Variants in ITSN1 observed in about 807,000 individuals in gnomAD.
The protein encoded by ITSN1 is intersectin 1.
A neutral mutation model predicts 239.8 loss-of-function variants in ITSN1; 58 were observed. The observed-to-expected ratio is 0.24, with a 90% CI of 0.20 to 0.30. ITSN1 has a LOEUF of 0.30. ITSN1 is among the 10% of genes least tolerant of loss of function. The probability of loss-of-function intolerance (pLI) is 1.00; values close to 1 mark genes in which losing one functional copy is unlikely to be tolerated. For synonymous variants in ITSN1, 780 were observed against 770.8 expected, an observed-to-expected ratio of 1.01 and a Z score of -0.20; for missense variants, 1,558 against 2,103.3, an observed-to-expected ratio of 0.74 and a Z score of 5.07.
chr21:33,699,641 C>T (rs534592142), intron 1 of ITSN1, among the ~76,000 whole-genome samples: 5 of 152,304 alleles, frequency 3.3e-5, no homozygotes, highest in Non-Finnish European at 7.4e-5. Flanking sequence ...ATGGCTTAAG[C>T]CCTGGATGTG....
chr21:33,819,223 C>T lies in ITSN1; in HGVS notation c.2934-18C>T. The T allele has an allele frequency of 6.3e-7, 1 of 1,584,210 alleles. No homozygotes were observed. Among genetic ancestry groups the T allele is most frequent in the Non-Finnish European group, 8.7e-7 (1 of 1,155,238 alleles). On this transcript the variant is annotated intron_variant, in intron 23 of 39. Transcript: ENST00000381318. ...TTGAAGATAAAAATTAAAATACTCT[C>T]TTCTTCCATTATTGCAGCATGGATT...
intron 27 of ITSN1, among the ~76,000 whole-genome samples, chr21:33,830,179 T>A (rs2074211721): frequency 1.3e-5 from 2 of 152,194 alleles, no homozygotes; most frequent in African/African-American, 4.8e-5. Flanking sequence ...CACGTGTGTG[T>A]GTGTGTATTG....
chr21:33,853,707 A>AT (rs950396304), intron 29 of ITSN1, among the ~76,000 whole-genome samples: 1 of 152,120 alleles, frequency 6.6e-6, no homozygotes, highest in African/African-American at 2.4e-5. Flanking sequence ...GTCTATTGGC[A>AT]TTTGGGGTGG....
intron 23 of ITSN1, 86 bp from the exon 24 acceptor site, chr21:33,819,155 A>T: frequency 1.0e-6 from 1 of 1,004,482 alleles, no homozygotes; most frequent in Non-Finnish European, 1.5e-6. Flanking sequence ...TTTAAAAGTT[A>T]AGCAGTTTTA....
chr21:33,678,138 C>T lies in ITSN1; in HGVS notation c.-33+35425C>T, dbSNP rs529139582. 2.0e-4 allele frequency among the ~76,000 whole-genome samples: 30 copies of T among 152,254 alleles called. No individual in the cohort carries two copies. The South Asian group carries it at 4.6e-3, about 23-fold the overall frequency. ...ACTCCCCTTGTCTGCTTTGCGGTAG[C>T]CTAACATGTCTCTTTCTATCTCTTG... On this transcript the variant is annotated intron_variant, in intron 1 of 39. Transcript: ENST00000381318.
At chr21:33,662,567 A>G (rs979160896) in intron 1 of ITSN1, among the ~76,000 whole-genome samples, 1 of 152,174 alleles carries the variant, frequency 6.6e-6, no homozygotes, top group Non-Finnish European at 1.5e-5. Context: ...GATTTCCTTT[A>G]ACAGTTATTT....
At chr21:33,671,731 G>T (rs2090296628) in intron 1 of ITSN1, among the ~76,000 whole-genome samples, 1 of 151,810 alleles carries the variant, frequency 6.6e-6, no homozygotes, top group Non-Finnish European at 1.5e-5. Flanking sequence ...GAGTGAGGTT[G>T]CAGTGAGCTG....
At chr21:33,653,744 G>A (rs1054611323) in intron 1 of ITSN1, among the ~76,000 whole-genome samples, 1 of 151,984 alleles carries the variant, frequency 6.6e-6, no homozygotes, top group African/African-American at 2.4e-5. Flanking sequence ...AGATGGCCTC[G>A]ATCTCCTGAC....
chr21:33,866,012 G>A (rs893223733), intron 32 of ITSN1, among the ~76,000 whole-genome samples: 4 of 152,280 alleles, frequency 2.6e-5, no homozygotes, highest in Admixed American at 2.6e-4. Context: ...AAAAAAAGGA[G>A]GAAGAGAATA....
At chr21:33,848,685 G>T (rs2075059965) in intron 29 of ITSN1, among the ~76,000 whole-genome samples, 1 of 152,218 alleles carries the variant, frequency 6.6e-6, no homozygotes, top group Non-Finnish European at 1.5e-5. Context: ...GGCATTGTGA[G>T]CTCTGAGTGG....
intron 1 of ITSN1, among the ~76,000 whole-genome samples, chr21:33,663,233 G>T (rs188895119): frequency 1.3e-5 from 2 of 152,202 alleles, no homozygotes; most frequent in Non-Finnish European, 1.5e-5. Flanking sequence ...GCTCAGAAAT[G>T]AAATATGTAA....
rs114895721 is a variant in ITSN1 at position 33,789,756 on chromosome 21, T to G, written c.1825-4585T>G. 7.0e-3 allele frequency among the ~76,000 whole-genome samples: 1,072 copies of G among 152,338 alleles called. 13 individuals carry two copies. Among genetic ancestry groups the G allele is most frequent in the African/African-American group, 0.025 (1,023 of 41,572 alleles). On this transcript the variant is annotated intron_variant, in intron 16 of 39. Transcript: ENST00000381318. ...AGGAGAAACAGTCACAGTTATTAAA[T>G]CAAGTGATTCTGTGCCTTTTAGCTT...
chr21:33,845,678 G>A (rs1050271719), intron 29 of ITSN1, among the ~76,000 whole-genome samples: 1 of 152,152 alleles, frequency 6.6e-6, no homozygotes, highest in Non-Finnish European at 1.5e-5. Context: ...CTTGCAGAGG[G>A]GAAACTGGGC....
At chr21:33,795,226 G>A (rs899971519) in intron 17 of ITSN1, among the ~76,000 whole-genome samples, 7 of 152,116 alleles carry the variant, frequency 4.6e-5, no homozygotes, top group Non-Finnish European at 7.4e-5. Context: ...CGAGGTGGGC[G>A]GATCACGAGG....
At chr21:33,717,997 G>A (rs2065263738) in intron 1 of ITSN1, among the ~76,000 whole-genome samples, 1 of 152,180 alleles carries the variant, frequency 6.6e-6, no homozygotes, top group Non-Finnish European at 1.5e-5. Flanking sequence ...TGGGACAGAT[G>A]TTAGTGTAAT....
chr21:33,790,589 GA>G (rs1240958318), intron 16 of ITSN1, among the ~76,000 whole-genome samples: 6 of 150,996 alleles, frequency 4.0e-5, no homozygotes, highest in African/African-American at 1.2e-4. Context: ...ACTGGTTTTA[GA>G]AAAAAAAATC....
intron 1 of ITSN1, among the ~76,000 whole-genome samples, chr21:33,651,074 C>T (rs1169364334): frequency 1.3e-5 from 2 of 152,372 alleles, no homozygotes; most frequent in East Asian, 3.9e-4. Flanking sequence ...GCAGCGCCTG[C>T]TGCCTGGCAG....
At chr21:33,833,431 A>G (rs1438129535) in intron 27 of ITSN1, among the ~76,000 whole-genome samples, 1 of 152,206 alleles carries the variant, frequency 6.6e-6, no homozygotes, top group African/African-American at 2.4e-5. Flanking sequence ...GAGCATGCAG[A>G]CACATGAGTG....
intron 26 of ITSN1, among the ~76,000 whole-genome samples, chr21:33,828,733 CT>C (rs1294103851): frequency 6.6e-6 from 1 of 152,096 alleles, no homozygotes; most frequent in African/African-American, 2.4e-5. Context: ...TCTATTGCTT[CT>C]AGAAGTTCAG....
Sources: gnomAD v4.1 joint callset for allele counts (sites outside exome capture counted in the v4.1 genomes callset) on GRCh38, gnomAD v4.1.1 for gene constraint, MANE v1.5 for transcripts, NCBI Gene and HGNC (gene_info 2026-07-23, HGNC 2026-07-21) for gene names.